ZC3H14: variants seen among roughly 807,000 people sequenced by gnomAD.
ZC3H14 encodes the protein zinc finger CCCH domain-containing protein 14.
In ZC3H14, 31 loss-of-function variants were observed where a neutral mutation model predicts 92.4. The ratio of observed to expected loss-of-function variants is 0.34; its 90% CI spans 0.25 to 0.45. The LOEUF is 0.45. ZC3H14 is among the 20% of genes least tolerant of loss of function. The probability of loss-of-function intolerance (pLI) is 1.00; values close to 1 mark genes in which losing one functional copy is unlikely to be tolerated. For synonymous variants in ZC3H14, 321 were observed against 300.9 expected, an observed-to-expected ratio of 1.07 and a Z score of -0.69; for missense variants, 781 against 897.3, an observed-to-expected ratio of 0.87 and a Z score of 1.66.
intron 9 of ZC3H14, chr14:88,594,957 T>C: frequency 6.2e-7 from 1 of 1,613,932 alleles, no homozygotes; most frequent in Non-Finnish European, 8.5e-7. Context: ...TGTCCAAGAA[T>C]GAAGCAAAAA....
Position 88,602,018 on chromosome 14 carries a change from C to T in ZC3H14, c.1449C>T (p.Asn483=), listed in dbSNP as rs987668612. Residue 483 remains asparagine (N), a synonymous_variant, in exon 11 of 17, where the codon AAC becomes AAT. Transcript: ENST00000251038. ...CTGAGGAAGTAGTAGTGGCACCAAA[C>T]CAAGAGTCGGGGATGAAGACTGCAG... ...KLSEEVVVAP[N]QESGMKTADS... is the part of the protein sequence containing the mutation. 13 of 1,614,052 alleles carry T rather than the reference C, an allele frequency of 8.1e-6. No homozygotes were observed. Among genetic ancestry groups the T allele is most frequent in the African/African-American group, 4.0e-5 (3 of 74,932 alleles).
At chr14:88,572,297 C>G (rs2080530178) in intron 5 of ZC3H14, 72 bp downstream of exon 5, 9 of 1,537,606 alleles carry the variant, frequency 5.9e-6, no homozygotes, top group Non-Finnish European at 8.0e-6. Flanking sequence ...GTTTTTATAT[C>G]TTTCAGTTTG....
rs117977348 is a variant in ZC3H14 at position 88,574,600 on chromosome 14, G to A, written c.862-93G>A. On this transcript the variant is annotated intron_variant, in intron 6 of 16. Coordinates refer to ENST00000251038, the MANE Select transcript of ZC3H14 (RefSeq NM_024824.5). The stretch of plus-strand genomic sequence containing the variant: ...TACTCTGTGAATTTCTCATATTACT[G>A]TGTACTGTTTTTTTCTTAAAATGGA... 1,046 of 1,443,648 alleles carry A rather than the reference G, an allele frequency of 7.2e-4. 24 individuals are homozygous for A. In the East Asian group the frequency reaches 0.024, roughly 32 times the overall value. 89.4% of individuals were successfully genotyped at this position (1,443,648 alleles called of 1,614,324 possible).
chr14:88,601,769 GA>G (rs1450985179), intron 10 of ZC3H14, among the ~76,000 whole-genome samples, 154 bp from the exon 11 acceptor site: 1 of 152,174 alleles, frequency 6.6e-6, no homozygotes, highest in Non-Finnish European at 1.5e-5. Context: ...GTTTGGAATA[GA>G]ATTATAGCCC....
intron 9 of ZC3H14, among the ~76,000 whole-genome samples, chr14:88,594,126 A>G (rs922768680): frequency 1.3e-5 from 2 of 152,076 alleles, no homozygotes; most frequent in Non-Finnish European, 2.9e-5. Flanking sequence ...TGTCACTCTC[A>G]ATAATGTTAT....
At chr14:88,577,294 T>G (rs1448545592) in intron 8 of ZC3H14, among the ~76,000 whole-genome samples, 1 of 152,246 alleles carries the variant, frequency 6.6e-6, no homozygotes, top group Non-Finnish European at 1.5e-5. Flanking sequence ...ATGAGAAGTT[T>G]AGAGAAGTTC....
intron 3 of ZC3H14, among the ~76,000 whole-genome samples, chr14:88,570,585 C>G (rs1437498318): frequency 1.3e-5 from 2 of 152,096 alleles, no homozygotes; most frequent in African/African-American, 4.8e-5. Context: ...GTTTATGATA[C>G]TTGTTTTACT....
At chr14:88,572,505 T>C in intron 5 of ZC3H14, 73 bp from the exon 6 acceptor site, 2 of 1,575,284 alleles carry the variant, frequency 1.3e-6, no homozygotes, top group South Asian at 2.3e-5. Context: ...ATTTTTCAAG[T>C]AAACATTCTT....
chr14:88,602,787 T>C (rs558945912), intron 11 of ZC3H14, 41 bp from the exon 12 acceptor site: 3 of 1,604,028 alleles, frequency 1.9e-6, no homozygotes, highest in East Asian at 2.2e-5. Flanking sequence ...CGTTTTGTGT[T>C]TGTTTCCCTA....
Position 88,615,772 on chromosome 14 carries a change from G to A in ZC3H14, c.*4021G>A. The A allele has an allele frequency of 6.3e-7, 1 of 1,591,176 alleles. No homozygotes were observed. The highest frequency in any genetic ancestry group is 8.6e-7 in the Non-Finnish European group (1 of 1,167,588). On this transcript the variant is annotated 3_prime_UTR_variant, in exon 17 of 17. Coordinates refer to ENST00000251038, the MANE Select transcript of ZC3H14 (RefSeq NM_024824.5). ...GGTTGGGTTTTGGTTTTTCTTCTCTGTAATTCTGGTCTCAAAGTTAATTTC... is the reference window on the plus strand; with the variant it reads ...GGTTGGGTTTTGGTTTTTCTTCTCTATAATTCTGGTCTCAAAGTTAATTTC...
At chr14:88,567,951 A>C (rs758062317) in intron 2 of ZC3H14, 88 bp from the exon 3 acceptor site, 1 of 1,064,590 alleles carries the variant, frequency 9.4e-7, no homozygotes, top group Admixed American at 2.0e-5. Context: ...TCTAAAGCTT[A>C]GAGCTACATC....
In ZC3H14 at chr14:88,621,707, C is replaced by G. The variant is rs187815283; in HGVS notation, c.*9956C>G. The G allele has an allele frequency of 1.8e-5, 5 of 278,406 alleles. No individual in the cohort carries two copies. In the East Asian group the frequency reaches 4.3e-4, roughly 24 times the overall value. The allele number at this position is 278,406 out of a possible 1,614,324, so 17.2% of individuals were successfully genotyped here. ...TAATATGCAGGCTGAAGATAATATC[C>G]GTATGATTTATAAATACACTTAATA... On this transcript the variant is annotated 3_prime_UTR_variant, in exon 17 of 17. Coordinates refer to ENST00000251038, the MANE Select transcript of ZC3H14 (RefSeq NM_024824.5).
At chr14:88,589,634 C>G (rs1431438790) in intron 9 of ZC3H14, 1 of 152,192 alleles carries the variant, frequency 6.6e-6, no homozygotes, top group Non-Finnish European at 1.5e-5. Context: ...TGTAGTCTTC[C>G]TCATTTTAGT....
At chr14:88,608,372 G>GTGAATACCATCC (rs2085962963) in intron 13 of ZC3H14, 1 of 443,382 alleles carries the variant, frequency 2.3e-6, no homozygotes. Flanking sequence ...GCAAGTCATA[G>GTGAATACCATCC]CCAGCTGATT....
chr14:88,602,150 T>A, intron 11 of ZC3H14, 67 bp downstream of exon 11: 1 of 1,606,294 alleles, frequency 6.2e-7, no homozygotes, highest in South Asian at 1.1e-5. Context: ...ACCATTCGTT[T>A]GCAGCTTCCC....
intron 3 of ZC3H14, among the ~76,000 whole-genome samples, chr14:88,570,566 A>G (rs974428904): frequency 6.6e-6 from 1 of 152,196 alleles, no homozygotes; most frequent in African/African-American, 2.4e-5. Context: ...ATAATAAGCA[A>G]TATTACATGT....
At chr14:88,596,303 C>T (rs1401808903) in intron 9 of ZC3H14, among the ~76,000 whole-genome samples, 7 of 152,040 alleles carry the variant, frequency 4.6e-5, no homozygotes, top group South Asian at 2.1e-4. Context: ...TTTGCTATTT[C>T]GATTATCTTC....
chr14:88,568,606 G>C (rs1470166571), intron 3 of ZC3H14, among the ~76,000 whole-genome samples: 1 of 152,108 alleles, frequency 6.6e-6, no homozygotes, highest in Non-Finnish European at 1.5e-5. Flanking sequence ...TCCCTCCCTT[G>C]ACAGGTGGGG....
intron 13 of ZC3H14, among the ~76,000 whole-genome samples, chr14:88,607,837 A>C (rs1272736390): frequency 6.1e-4 from 27 of 44,332 alleles, no homozygotes; most frequent in African/African-American, 1.2e-3. Context: ...ACCATCCCCC[A>C]CCTCAGCCTG....
Sources: gnomAD v4.1 joint callset for allele counts (sites outside exome capture counted in the v4.1 genomes callset) on GRCh38, gnomAD v4.1.1 for gene constraint, MANE v1.5 for transcripts, NCBI Gene and HGNC (gene_info 2026-07-23, HGNC 2026-07-21) for gene names.